RCSD1: variants seen among roughly 807,000 people sequenced by gnomAD.
RCSD1 encodes the protein capZ-interacting protein.
In RCSD1, 26 loss-of-function variants were observed where a neutral mutation model predicts 42.5. The ratio of observed to expected loss-of-function variants is 0.61; its 90% CI spans 0.45 to 0.85. RCSD1 has a LOEUF of 0.85. Among genes scored for constraint, RCSD1 ranks in the 40% least tolerant of loss-of-function variants. RCSD1 has a pLI of 0.00. For missense variants in RCSD1, 571 were observed against 528.3 expected, an observed-to-expected ratio of 1.08 and a Z score of -0.79; for synonymous variants, 220 against 212.2, an observed-to-expected ratio of 1.04 and a Z score of -0.32.
intron 1 of RCSD1, among the ~76,000 whole-genome samples, chr1:167,679,539 G>A (rs1659029565): frequency 2.6e-5 from 4 of 152,234 alleles, no homozygotes; most frequent in African/African-American, 9.6e-5. Context: ...TGGTCACACT[G>A]GAAGGGGTGA....
intron 6 of RCSD1, among the ~76,000 whole-genome samples, chr1:167,698,428 A>T (rs1004015598): frequency 1.6e-4 from 25 of 152,188 alleles, no homozygotes; most frequent in African/African-American, 5.8e-4. Flanking sequence ...TGGCCCTCAG[A>T]GAAAGAAGCT....
chr1:167,692,735 C>G (rs1000844636), intron 4 of RCSD1, among the ~76,000 whole-genome samples: 1 of 152,102 alleles, frequency 6.6e-6, no homozygotes, highest in African/African-American at 2.4e-5. Flanking sequence ...GAACTCTTAC[C>G]ATGACTCAGT....
chr1:167,659,014 A>G (rs1460851317), intron 1 of RCSD1, among the ~76,000 whole-genome samples: 2 of 152,150 alleles, frequency 1.3e-5, no homozygotes, highest in Non-Finnish European at 2.9e-5. Context: ...ATATATCAAT[A>G]TATGAGGGTT....
At chr1:167,635,612 G>GC (rs1213191749) in intron 1 of RCSD1, among the ~76,000 whole-genome samples, 1 of 152,168 alleles carries the variant, frequency 6.6e-6, no homozygotes, top group African/African-American at 2.4e-5. Context: ...TATCAGGGCC[G>GC]CAAGAGAAAG....
intron 1 of RCSD1, among the ~76,000 whole-genome samples, chr1:167,672,569 G>A (rs1658836523): frequency 6.6e-6 from 1 of 152,156 alleles, no homozygotes; most frequent in South Asian, 2.1e-4. Context: ...CAGCAATGGT[G>A]GGTAGAGTCT....
At chr1:167,682,738 G>A (rs1659112768) in intron 1 of RCSD1, among the ~76,000 whole-genome samples, 1 of 151,488 alleles carries the variant, frequency 6.6e-6, no homozygotes, top group Admixed American at 6.6e-5. Flanking sequence ...CTGCTGGAGG[G>A]AAGCATCCTT....
At position 167,697,142 on chromosome 1, in the gene RCSD1, G is replaced by C; in HGVS notation, c.518G>C (p.Arg173Pro). The change falls in exon 6 of 7, where the codon CGA becomes CCA. Residue 173 changes from arginine to proline, a missense_variant. Transcript: ENST00000367854. The part of the protein sequence containing the change: ...GSIKRRPPSR[R>P]FRRSQSDCGE... ...ATAAAAAGGCGCCCTCCCTCCAGGCGATTCCGAAGGTCACAGTCAGACTGT... is the reference window on the plus strand; with the variant it reads ...ATAAAAAGGCGCCCTCCCTCCAGGCCATTCCGAAGGTCACAGTCAGACTGT... The C allele has an allele frequency of 6.2e-7, 1 of 1,614,126 alleles. No individual in the cohort carries two copies. Among genetic ancestry groups the C allele is most frequent in the Non-Finnish European group, 8.5e-7 (1 of 1,180,008 alleles).
chr1:167,695,812 C>T (rs866678677), intron 5 of RCSD1, among the ~76,000 whole-genome samples: 2 of 152,272 alleles, frequency 1.3e-5, no homozygotes, highest in South Asian at 2.1e-4. Context: ...GGCACCACCA[C>T]ACCCAGCCCA....
chr1:167,640,983 C>A (rs1004874738), intron 1 of RCSD1, among the ~76,000 whole-genome samples: 1 of 152,266 alleles, frequency 6.6e-6, no homozygotes, highest in East Asian at 1.9e-4. Context: ...ATTATAACCA[C>A]CCCCCGAGCC....
At chr1:167,673,789 G>T (rs1658869410) in intron 1 of RCSD1, among the ~76,000 whole-genome samples, 2 of 152,116 alleles carry the variant, frequency 1.3e-5, no homozygotes, top group Non-Finnish European at 2.9e-5. Flanking sequence ...CACTTTGCGT[G>T]TACCAGCCAG....
In RCSD1 at chr1:167,704,677, TC is replaced by T. The variant is rs780021094; in HGVS notation, c.1234del (p.Gln412ArgfsTer14). 2.4e-5 allele frequency: 38 copies of T among 1,612,906 alleles called. No individual in the cohort carries two copies. The highest frequency in any genetic ancestry group is 6.7e-5 in the Admixed American group (4 of 59,982). ...AVPKPEDDTP[V>X]QDTKM Reference sequence around the variant, plus strand: ...CCCTGTTCACAGGATGACACTCCTGTCCAGGACACTAAAATGTGAAGAACAG... The same window carrying T: ...CCCTGTTCACAGGATGACACTCCTGTCAGGACACTAAAATGTGAAGAACAG... On this transcript the variant is annotated frameshift_variant, in exon 7 of 7. Coordinates refer to ENST00000367854, the MANE Select transcript of RCSD1 (RefSeq NM_052862.4). LOFTEE classifies it high-confidence loss of function.
chr1:167,697,512 T>G lies in RCSD1; in HGVS notation c.888T>G (p.Cys296Trp). The change falls in exon 6 of 7, where the codon TGT (cysteine) becomes TGG (tryptophan). Residue 296 changes from cysteine to tryptophan, a missense_variant. Coordinates refer to ENST00000367854, the MANE Select transcript of RCSD1 (RefSeq NM_052862.4). ...CTGGCCCAGAGGCAGAAAATAGGTGTGGGAGCCCCAGGGAGGAAAAGCCAG... is the reference window on the plus strand; with the variant it reads ...CTGGCCCAGAGGCAGAAAATAGGTGGGGGAGCCCCAGGGAGGAAAAGCCAG... ...QTSGPEAENR[C>W]GSPREEKPAG... The G allele has an allele frequency of 6.2e-7, 1 of 1,606,204 alleles. No homozygotes were observed. Among genetic ancestry groups the G allele is most frequent in the South Asian group, 1.1e-5 (1 of 89,736 alleles).
At chr1:167,688,829 G>T (rs776524686) in intron 3 of RCSD1, among the ~76,000 whole-genome samples, 2 of 152,108 alleles carry the variant, frequency 1.3e-5, no homozygotes, top group South Asian at 4.1e-4. Context: ...CATACACATT[G>T]GTCTCCACAC....
At chr1:167,636,019 C>T (rs1657843523) in intron 1 of RCSD1, among the ~76,000 whole-genome samples, 1 of 152,234 alleles carries the variant, frequency 6.6e-6, no homozygotes, top group Non-Finnish European at 1.5e-5. Context: ...TCTCCTGAAG[C>T]TCATCACCAG....
chr1:167,670,534 T>C (rs971283157), intron 1 of RCSD1, among the ~76,000 whole-genome samples: 4 of 152,014 alleles, frequency 2.6e-5, no homozygotes, highest in Non-Finnish European at 5.9e-5. Flanking sequence ...CCCAGCACCC[T>C]CTCCATCTCC....
At chr1:167,685,923 G>A (rs557915043) in intron 3 of RCSD1, among the ~76,000 whole-genome samples, 3 of 152,258 alleles carry the variant, frequency 2.0e-5, no homozygotes, top group East Asian at 1.9e-4. Flanking sequence ...AGGGCAGGAC[G>A]GAAGCATGAG....
At chr1:167,693,491 G>A (rs545365359) in intron 4 of RCSD1, among the ~76,000 whole-genome samples, 8 of 152,290 alleles carry the variant, frequency 5.3e-5, no homozygotes, top group East Asian at 3.9e-4. Context: ...CACTGCCTTC[G>A]TCCTGGAGCT....
At chr1:167,696,654 C>T (rs756664353) in intron 5 of RCSD1, among the ~76,000 whole-genome samples, 1 of 151,890 alleles carries the variant, frequency 6.6e-6, no homozygotes, top group Non-Finnish European at 1.5e-5. Flanking sequence ...AGTCTCGCTA[C>T]GTTGCCCAGG....
At chr1:167,674,784 A>T (rs564818457) in intron 1 of RCSD1, among the ~76,000 whole-genome samples, 12 of 152,318 alleles carry the variant, frequency 7.9e-5, no homozygotes, top group Admixed American at 5.2e-4. Flanking sequence ...GGTTTATCAC[A>T]TTTACTATGT....
Sources: allele counts gnomAD v4.1 joint callset (sites outside exome capture counted in the v4.1 genomes callset), GRCh38; gene constraint gnomAD v4.1.1; transcripts MANE v1.5; gene names NCBI Gene and HGNC (gene_info 2026-07-23, HGNC 2026-07-21).